PRKCE: variants seen among roughly 807,000 people sequenced by gnomAD.
The protein encoded by PRKCE is protein kinase C epsilon type.
Under a neutral mutation model 85.4 loss-of-function variants are expected in PRKCE, and 16 were observed. That is an observed-to-expected ratio of 0.19 (90% CI 0.13 to 0.28). The LOEUF (loss-of-function observed/expected upper bound fraction) is 0.28. PRKCE is among the 10% of genes least tolerant of loss of function. The pLI, the probability that PRKCE is intolerant of heterozygous loss-of-function variation, is 1.00. For missense variants in PRKCE, 573 were observed against 975.2 expected, an observed-to-expected ratio of 0.59 and a Z score of 5.49; for synonymous variants, 388 against 371.5, an observed-to-expected ratio of 1.04 and a Z score of -0.51.
Position 46,068,046 on chromosome 2 carries a change from A to G in PRKCE, c.1438-18162A>G, listed in dbSNP as rs1216051024. Among the ~76,000 whole-genome samples, 1 of 152,246 alleles carries G rather than the reference A, an allele frequency of 6.6e-6. No homozygotes were observed. The highest frequency in any genetic ancestry group is 1.9e-4 in the East Asian group (1 of 5,202). On this transcript the variant is annotated intron_variant, in intron 10 of 14. Transcript: ENST00000306156. This position sits in a 1 kb window ranked among gnomAD's most constrained non-coding sequence, Gnocchi z 4.3. ...CTCGCGAAGGGATTAGTCAGAAGGC[A>G]ATGGAAACATCTTTCGTTTTCATTG...
chr2:45,988,610 G>A (rs968296372), intron 6 of PRKCE, among the ~76,000 whole-genome samples: 3 of 152,266 alleles, frequency 2.0e-5, no homozygotes, highest in East Asian at 3.9e-4. Context: ...CCTTAACCGA[G>A]GGCAGAAAAA....
chr2:45,830,543 A>G (rs1690339115), intron 1 of PRKCE, among the ~76,000 whole-genome samples: 1 of 152,202 alleles, frequency 6.6e-6, no homozygotes, highest in Non-Finnish European at 1.5e-5. Context: ...CATCTGAATA[A>G]GAGGAGTTTC....
intron 8 of PRKCE, among the ~76,000 whole-genome samples, chr2:46,006,688 C>A (rs148286289): frequency 4.3e-4 from 65 of 152,300 alleles, no homozygotes; most frequent in African/African-American, 1.3e-3. Flanking sequence ...AGTAAAGCTT[C>A]TTCAAATAGA....
At chr2:46,164,065 C>A (rs1186773042) in intron 14 of PRKCE, among the ~76,000 whole-genome samples, 1 of 152,196 alleles carries the variant, frequency 6.6e-6, no homozygotes, top group Non-Finnish European at 1.5e-5. Context: ...CTTAAGGTAT[C>A]AAATAACTTG....
chr2:46,069,526 C>T (rs766295318), intron 10 of PRKCE, among the ~76,000 whole-genome samples: 1 of 152,122 alleles, frequency 6.6e-6, no homozygotes, highest in Non-Finnish European at 1.5e-5. Flanking sequence ...AAATCAGTTT[C>T]CTGTATTTTG....
chr2:46,082,592 C>T (rs1438482146), intron 10 of PRKCE, among the ~76,000 whole-genome samples: 2 of 152,206 alleles, frequency 1.3e-5, no homozygotes, highest in South Asian at 2.1e-4. Flanking sequence ...GGAAACTGGG[C>T]GTGGACAAGA....
At chr2:45,919,079 A>G (rs1698055248) in intron 2 of PRKCE, among the ~76,000 whole-genome samples, 1 of 152,210 alleles carries the variant, frequency 6.6e-6, no homozygotes, top group Admixed American at 6.5e-5. Context: ...AGCTGCATGT[A>G]AATCAAGGTT....
chr2:45,869,248 A>G (rs1279583989), intron 2 of PRKCE, among the ~76,000 whole-genome samples: 1 of 152,228 alleles, frequency 6.6e-6, no homozygotes, highest in Non-Finnish European at 1.5e-5. Context: ...TAGCTTTAGA[A>G]GAATGCAGCT....
chr2:45,948,211 T>C (rs1300912530), intron 2 of PRKCE, among the ~76,000 whole-genome samples: 1 of 152,166 alleles, frequency 6.6e-6, no homozygotes, highest in Non-Finnish European at 1.5e-5. Context: ...ACGTGGCACA[T>C]GCAAAATAAA....
chr2:45,913,725 C>A (rs549472416), intron 2 of PRKCE, among the ~76,000 whole-genome samples: 2 of 152,320 alleles, frequency 1.3e-5, no homozygotes, highest in East Asian at 3.9e-4. Context: ...AAATTGAGTG[C>A]ATTCCAAGGC....
At chr2:45,883,577 T>A in intron 2 of PRKCE, among the ~76,000 whole-genome samples, 1 of 152,152 alleles carries the variant, frequency 6.6e-6, no homozygotes, top group East Asian at 1.9e-4. Flanking sequence ...GGTTTTGCCT[T>A]TTTGGGGTGG....
At position 45,764,231 on chromosome 2, in the gene PRKCE, C is replaced by T. The variant is rs147381306; in HGVS notation, c.349-78769C>T. Among the ~76,000 whole-genome samples, 569 of 152,264 alleles carry T rather than the reference C, an allele frequency of 3.7e-3. 1 individual carries two copies. The highest frequency in any genetic ancestry group is 5.8e-3 in the Non-Finnish European group (394 of 68,024). Reference sequence around the variant, plus strand: ...TTTCTTAAAGCAAAGCCCACCTGTACGAATGTCCGTAGGTGAAAATATTGG... The same window carrying T: ...TTTCTTAAAGCAAAGCCCACCTGTATGAATGTCCGTAGGTGAAAATATTGG... On this transcript the variant is annotated intron_variant, in intron 1 of 14. Transcript: ENST00000306156.
intron 10 of PRKCE, among the ~76,000 whole-genome samples, chr2:46,066,716 A>G (rs532901408): frequency 4.6e-5 from 7 of 152,170 alleles, no homozygotes. Flanking sequence ...ACCCTTGGTT[A>G]TAAGTACGTG....
rs144296282 is a variant in PRKCE at position 46,145,301 on chromosome 2, C to A, written c.1731+70C>A. On this transcript the variant is annotated intron_variant, in intron 12 of 14. Transcript: ENST00000306156. The surrounding 1 kb of genome is among the most constrained non-coding windows in gnomAD (Gnocchi z 4.6). Reference sequence around the variant, plus strand: ...CGAGGCAGGGGTCCAAACCCATGCACTGGGGTCATCTAGTGGTGCTGGGGG... The same window carrying A: ...CGAGGCAGGGGTCCAAACCCATGCAATGGGGTCATCTAGTGGTGCTGGGGG... The A allele has an allele frequency of 3.5e-4, 553 of 1,558,912 alleles. No individual in the cohort carries two copies. The highest frequency in any genetic ancestry group is 1.5e-3 in the Middle Eastern group (8 of 5,242).
At chr2:46,027,071 A>C (rs1179571730) in intron 10 of PRKCE, among the ~76,000 whole-genome samples, 2 of 152,198 alleles carry the variant, frequency 1.3e-5, no homozygotes, top group East Asian at 3.8e-4. Flanking sequence ...CTGGAGGCTA[A>C]GGTGGGAGGA....
At chr2:45,755,511 A>G (rs973763189) in intron 1 of PRKCE, among the ~76,000 whole-genome samples, 1 of 152,160 alleles carries the variant, frequency 6.6e-6, no homozygotes, top group Non-Finnish European at 1.5e-5. Flanking sequence ...AGAAATGCTT[A>G]TTGACTTCCT....
intron 1 of PRKCE, among the ~76,000 whole-genome samples, chr2:45,837,198 C>G (rs1263113216): frequency 2.0e-5 from 3 of 152,194 alleles, no homozygotes; most frequent in Non-Finnish European, 4.4e-5. Flanking sequence ...AGAACTCCTG[C>G]TGGGCAGGTG....
intron 2 of PRKCE, among the ~76,000 whole-genome samples, chr2:45,934,419 C>T (rs950125527): frequency 6.6e-5 from 10 of 152,094 alleles, no homozygotes; most frequent in African/African-American, 2.2e-4. Flanking sequence ...GAGGCTGAGG[C>T]GAGCAGGTCA....
chr2:46,123,644 A>G (rs1179634299), intron 11 of PRKCE, among the ~76,000 whole-genome samples: 1 of 152,154 alleles, frequency 6.6e-6, no homozygotes. Context: ...GTGCACCACC[A>G]TGCCCAACTA....
Sources: allele counts gnomAD v4.1 joint callset (sites outside exome capture counted in the v4.1 genomes callset), GRCh38; gene constraint gnomAD v4.1.1; non-coding constraint Gnocchi (gnomAD v3.1); transcripts MANE v1.5; gene names NCBI Gene and HGNC (gene_info 2026-07-23, HGNC 2026-07-21).